The following LHFPL2 variants were observed in gnomAD, a reference collection of about 807,000 sequenced individuals.
LHFPL2 encodes the protein LHFPL tetraspan subfamily member 2 protein.
A neutral mutation model predicts 17.5 loss-of-function variants in LHFPL2; 7 were observed. The observed-to-expected ratio is 0.40, with a 90% CI of 0.23 to 0.75. LHFPL2 has a LOEUF of 0.75. Among genes scored for constraint, LHFPL2 ranks in the 30% least tolerant of loss-of-function variants. The probability of loss-of-function intolerance (pLI) is 0.37; values close to 1 mark genes in which losing one functional copy is unlikely to be tolerated. For synonymous variants in LHFPL2, 134 were observed against 116.2 expected (o/e 1.15, Z -0.99); for missense variants, 241 against 294.8 (o/e 0.82, Z 1.34).
chr5:78,644,729 ACT>A (rs1745803674), intron 1 of LHFPL2: 1 of 238,642 alleles, frequency 4.2e-6, no homozygotes, highest in Admixed American at 4.0e-5. Flanking sequence ...TTCTTAGAAA[ACT>A]CTGAGGAGCT....
intron 2 of LHFPL2, among the ~76,000 whole-genome samples, chr5:78,617,115 G>A (rs971282090): frequency 2.2e-4 from 33 of 151,124 alleles, no homozygotes; most frequent in African/African-American, 7.1e-4. Context: ...TACAACCTCC[G>A]CCTCCCAGGT....
intron 2 of LHFPL2, among the ~76,000 whole-genome samples, chr5:78,602,976 C>T (rs886715724): frequency 2.0e-5 from 3 of 152,154 alleles, no homozygotes; most frequent in Non-Finnish European, 2.9e-5. Flanking sequence ...CTGCAACCTT[C>T]GCCTCCTGGG....
chr5:78,632,910 G>A (rs562750073), intron 1 of LHFPL2, among the ~76,000 whole-genome samples: 154 of 152,300 alleles, frequency 1.0e-3, no homozygotes, highest in Middle Eastern at 3.4e-3. Flanking sequence ...TAGAGGGCAA[G>A]CAAAGAGCAT....
At chr5:78,518,115 A>C (rs897308754) in intron 3 of LHFPL2, among the ~76,000 whole-genome samples, 2 of 152,224 alleles carry the variant, frequency 1.3e-5, no homozygotes, top group Admixed American at 6.5e-5. Flanking sequence ...TGAAATTAAA[A>C]CTTGAATTTC....
At chr5:78,646,643 T>C (rs1356508506) in intron 1 of LHFPL2, among the ~76,000 whole-genome samples, 1 of 152,214 alleles carries the variant, frequency 6.6e-6, no homozygotes, top group Non-Finnish European at 1.5e-5. Context: ...AAGCTGTATA[T>C]AGTGTTCATT....
Position 78,510,128 on chromosome 5 carries a change from A to C in LHFPL2, c.86T>G (p.Met29Arg), listed in dbSNP as rs1403304989. The C allele has an allele frequency of 6.2e-7, 1 of 1,613,196 alleles. No individual in the cohort carries two copies. The highest frequency in any genetic ancestry group is 1.7e-5 in the Admixed American group (1 of 59,974). ...TTTCCCGATCAGCCAGTCTGCACTC[A>C]TGAAGGCAATGAGCTCGGCAAAAGC... ...VVAFAELIAF[M>R]SADWLIGKAR... The change falls in exon 4 of 5, where the codon ATG (methionine) becomes AGG (arginine). Residue 29 changes from methionine to arginine, a missense_variant. By Grantham distance (91) the Met-to-Arg change is moderately conservative. Transcript: ENST00000380345.
At chr5:78,605,124 G>A (rs1229542262) in intron 2 of LHFPL2, among the ~76,000 whole-genome samples, 1 of 152,230 alleles carries the variant, frequency 6.6e-6, no homozygotes, top group African/African-American at 2.4e-5. Flanking sequence ...ACTGCAGACT[G>A]AGTGTGTGTT....
At chr5:78,588,555 C>CA (rs796292552) in intron 2 of LHFPL2, among the ~76,000 whole-genome samples, 9 of 152,064 alleles carry the variant, frequency 5.9e-5, no homozygotes, top group African/African-American at 2.2e-4. Flanking sequence ...TAATGAGAAA[C>CA]AAAGTTAACA....
At chr5:78,540,954 C>T (rs1756094137) in intron 3 of LHFPL2, among the ~76,000 whole-genome samples, 1 of 152,138 alleles carries the variant, frequency 6.6e-6, no homozygotes, top group Admixed American at 6.5e-5. Flanking sequence ...CACGAGTGGA[C>T]AATGCTGACC....
At chr5:78,492,070 G>T (rs1754464807) in intron 4 of LHFPL2, among the ~76,000 whole-genome samples, 2 of 152,120 alleles carry the variant, frequency 1.3e-5, no homozygotes, top group African/African-American at 4.8e-5. Flanking sequence ...TCCCCACAAG[G>T]TATGATGGGG....
intron 2 of LHFPL2, among the ~76,000 whole-genome samples, chr5:78,575,140 T>G (rs1250611668): frequency 6.6e-6 from 1 of 152,176 alleles, no homozygotes; most frequent in Non-Finnish European, 1.5e-5. Flanking sequence ...AGAAGGAGGC[T>G]GCAGGCAACC....
chr5:78,579,428 G>A, intron 2 of LHFPL2, among the ~76,000 whole-genome samples: 1 of 152,012 alleles, frequency 6.6e-6, no homozygotes, highest in Non-Finnish European at 1.5e-5. Flanking sequence ...TGCCATGCTG[G>A]TGCGCTGCAC....
At chr5:78,630,225 G>C (rs1004148767) in intron 2 of LHFPL2, among the ~76,000 whole-genome samples, 1 of 152,148 alleles carries the variant, frequency 6.6e-6, no homozygotes, top group Admixed American at 6.5e-5. Context: ...ATATCTCCTA[G>C]AAGCTCGGTA....
chr5:78,588,039 T>C (rs2112455942), intron 2 of LHFPL2, among the ~76,000 whole-genome samples: 1 of 152,334 alleles, frequency 6.6e-6, no homozygotes, highest in African/African-American at 2.4e-5. Context: ...AGAAAATAGA[T>C]GCATTGGTAC....
chr5:78,561,206 T>A (rs750245210), intron 3 of LHFPL2, among the ~76,000 whole-genome samples: 10 of 152,246 alleles, frequency 6.6e-5, no homozygotes, highest in Non-Finnish European at 1.5e-4. Flanking sequence ...GAATCACATA[T>A]GAAAGTTGTT....
intron 3 of LHFPL2, among the ~76,000 whole-genome samples, chr5:78,533,094 C>A (rs1755834559): frequency 6.6e-6 from 1 of 152,212 alleles, no homozygotes; most frequent in Non-Finnish European, 1.5e-5. Context: ...AAACCCTCTG[C>A]CTCCTCAGGA....
chr5:78,548,390 C>A (rs1487300087), intron 3 of LHFPL2, among the ~76,000 whole-genome samples: 1 of 152,200 alleles, frequency 6.6e-6, no homozygotes, highest in Admixed American at 6.5e-5. Context: ...CACCAGCAGC[C>A]CTCTCACATT....
intron 4 of LHFPL2, 35 bp from the exon 5 acceptor site, chr5:78,489,188 C>T: frequency 1.9e-6 from 3 of 1,611,366 alleles, no homozygotes; most frequent in Non-Finnish European, 2.5e-6. Flanking sequence ...TTAGAAAATC[C>T]CCATGGTGCT....
chr5:78,615,406 T>C (rs377037820), intron 2 of LHFPL2, among the ~76,000 whole-genome samples: 40 of 152,342 alleles, frequency 2.6e-4, no homozygotes, highest in African/African-American at 9.6e-4. Context: ...TCCCTCTTCC[T>C]ACATCAAATC....
Sources: gnomAD v4.1 joint callset for allele counts (sites outside exome capture counted in the v4.1 genomes callset) on GRCh38, gnomAD v4.1.1 for gene constraint, MANE v1.5 for transcripts, NCBI Gene and HGNC (gene_info 2026-07-23, HGNC 2026-07-21) for gene names.